DIP2C: variants seen among roughly 807,000 people sequenced by gnomAD.
DIP2C encodes the protein disco-interacting protein 2 homolog C.
Under a neutral mutation model 192.4 loss-of-function variants are expected in DIP2C, and 33 were observed. The ratio of observed to expected loss-of-function variants is 0.17; its 90% CI spans 0.13 to 0.23. The LOEUF (loss-of-function observed/expected upper bound fraction) is 0.23, where lower values mean the gene tolerates loss of function less well. Ranked by LOEUF, DIP2C falls within the 10% of genes least tolerant of loss-of-function variation. The probability of loss-of-function intolerance (pLI) is 1.00; values close to 1 mark genes in which losing one functional copy is unlikely to be tolerated. For missense variants in DIP2C, 1,537 were observed against 2,110.1 expected, an observed-to-expected ratio of 0.73 and a Z score of 5.32; for synonymous variants, 979 against 864.1, an observed-to-expected ratio of 1.13 and a Z score of -2.33.
intron 36 of DIP2C, among the ~76,000 whole-genome samples, chr10:280,317 C>G (rs1421978590): frequency 6.6e-6 from 1 of 152,212 alleles, no homozygotes; most frequent in Non-Finnish European, 1.5e-5. Context: ...AAGAGCTGTT[C>G]ATGAGAGTGC....
chr10:329,598 C>T lies in DIP2C; in HGVS notation c.3588G>A (p.Val1196=), dbSNP rs1443870115. The T allele has an allele frequency of 1.9e-6, 3 of 1,613,788 alleles. No individual in the cohort carries two copies. In the South Asian group the frequency reaches 3.3e-5, roughly 18 times the overall value. The change falls in exon 30 of 37, where the codon GTG becomes GTA. Residue 1196 remains valine, a synonymous_variant. Transcript: ENST00000280886. ...LGFVLWCLCS[V]YSGHQSILIP... is the part of the protein sequence containing the mutation. The stretch of plus-strand genomic sequence containing the variant: ...TCAGGATGGACTGGTGCCCAGAATA[C>T]ACACTGCAGAGAAAGAAGAGGCTGT...
At chr10:463,184 C>CAA (rs986586188) in intron 3 of DIP2C, among the ~76,000 whole-genome samples, 1 of 152,158 alleles carries the variant, frequency 6.6e-6, no homozygotes, top group Non-Finnish European at 1.5e-5. Flanking sequence ...AAAGGGTATT[C>CAA]AAATAGGAAG....
At chr10:481,704 T>C (rs557179573) in intron 2 of DIP2C, among the ~76,000 whole-genome samples, 2 of 152,232 alleles carry the variant, frequency 1.3e-5, no homozygotes, top group African/African-American at 4.8e-5. Context: ...CCGGTGCCTG[T>C]TCAGGGCTTC....
chr10:662,919 G>A, intron 1 of DIP2C: 3 of 717,524 alleles, frequency 4.2e-6, no homozygotes, highest in Non-Finnish European at 7.8e-6. Context: ...CTCGGGAGAG[G>A]TGGATGTACG....
At chr10:319,322 A>C (rs963432503) in intron 31 of DIP2C, among the ~76,000 whole-genome samples, 1 of 152,348 alleles carries the variant, frequency 6.6e-6, no homozygotes, top group Admixed American at 6.5e-5. Flanking sequence ...CTGTTGATTT[A>C]ATCCCACACA....
intron 4 of DIP2C, among the ~76,000 whole-genome samples, chr10:436,737 CTGCTTCCTGGA>C (rs1967249127): frequency 4.0e-5 from 5 of 123,832 alleles, no homozygotes; most frequent in African/African-American, 2.3e-4. Flanking sequence ...TCTCTGAGCT[CTGCTTCCTGGA>C]CATGGTAGGG....
At chr10:681,891 G>A (rs1327088272) in intron 1 of DIP2C, among the ~76,000 whole-genome samples, 1 of 152,250 alleles carries the variant, frequency 6.6e-6, no homozygotes, top group Non-Finnish European at 1.5e-5. Context: ...AACTGTGCCT[G>A]TGGAGGGCCC....
intron 1 of DIP2C, among the ~76,000 whole-genome samples, chr10:550,824 A>ATGC (rs1267006655): frequency 1.3e-5 from 2 of 152,236 alleles, no homozygotes; most frequent in Admixed American, 6.5e-5. Context: ...AAGAAGAGGG[A>ATGC]TGCTCCATTC....
At chr10:662,680 G>T in intron 1 of DIP2C, 1 of 552,196 alleles carries the variant, frequency 1.8e-6, no homozygotes. Flanking sequence ...TTTTAAAATT[G>T]TTATCAAATT....
chr10:529,012 C>T (rs1588395711), intron 1 of DIP2C, among the ~76,000 whole-genome samples: 2 of 152,328 alleles, frequency 1.3e-5, no homozygotes, highest in East Asian at 3.9e-4. Flanking sequence ...GGGATGGTGC[C>T]AGAACCCCTC....
At chr10:539,753 A>G (rs572607366) in intron 1 of DIP2C, among the ~76,000 whole-genome samples, 1 of 152,356 alleles carries the variant, frequency 6.6e-6, no homozygotes, top group African/African-American at 2.4e-5. Flanking sequence ...CAATTTTACA[A>G]TTAAATTCTT....
intron 23 of DIP2C, among the ~76,000 whole-genome samples, chr10:356,837 T>C (rs904515058): frequency 1.3e-5 from 2 of 152,328 alleles, no homozygotes; most frequent in African/African-American, 2.4e-5. Flanking sequence ...ATTTCCCTCA[T>C]AGGCAGGAGC....
chr10:614,827 T>G, intron 1 of DIP2C, among the ~76,000 whole-genome samples: 1 of 152,158 alleles, frequency 6.6e-6, no homozygotes, highest in South Asian at 2.1e-4. Context: ...CTCTCTGCAT[T>G]CTCCACACTG....
chr10:530,749 T>C (rs1847318372), intron 1 of DIP2C, among the ~76,000 whole-genome samples: 1 of 151,724 alleles, frequency 6.6e-6, no homozygotes, highest in East Asian at 1.9e-4. Context: ...CCCCCTGCTG[T>C]CAGACGAGAT....
rs1469919122 is a variant in DIP2C at position 603,325 on chromosome 10, AAAAAAAAAC to A, written c.85+86160_85+86168del. Among the ~76,000 whole-genome samples the A allele has an allele frequency of 1.3e-3, 177 of 137,616 alleles. 3 individuals carry two copies. The highest frequency in any genetic ancestry group is 2.3e-3 in the African/African-American group (75 of 33,068). The allele number at this position is 137,616 out of a possible 152,430, so 90.3% of individuals were successfully genotyped here. ...AAAAAAAAAAAAAAAAAAAAAAAAAAAAAAAAAACCAACCATGAGATTTTGCTGCTTCAT... is the reference window on the plus strand; with the variant it reads ...AAAAAAAAAAAAAAAAAAAAAAAAAACAACCATGAGATTTTGCTGCTTCAT... On this transcript the variant is annotated intron_variant, in intron 1 of 36. Coordinates refer to ENST00000280886, the MANE Select transcript of DIP2C (RefSeq NM_014974.3).
chr10:495,792 C>T (rs1301945344), intron 1 of DIP2C, among the ~76,000 whole-genome samples: 1 of 150,368 alleles, frequency 6.7e-6, no homozygotes, highest in Non-Finnish European at 1.5e-5. Context: ...ACAGTGCCCT[C>T]CCCATGTACT....
chr10:548,212 C>T (rs1040168391), intron 1 of DIP2C, among the ~76,000 whole-genome samples: 1 of 115,592 alleles, frequency 8.7e-6, no homozygotes. Flanking sequence ...TGCCCCACCC[C>T]CCCCCCCACA....
Position 324,890 on chromosome 10 carries a change from T to C in DIP2C, c.3924+2116A>G, listed in dbSNP as rs1480505721. 5 of 527,452 alleles carry C rather than the reference T, an allele frequency of 9.5e-6. No homozygotes were observed. The Admixed American group carries it at 9.9e-5, about 10-fold the overall frequency. The allele number at this position is 527,452 out of a possible 1,614,324, so 32.7% of individuals were successfully genotyped here. A position where few individuals can be genotyped will look rare whatever the true frequency, so the allele number is the denominator to read the frequency against. Reference sequence around the variant, plus strand: ...TTCTGTCCCTTTCCTGCGCTGTTTTTCTTTCATCTCCATGTTTTGGTTCTT... The same window carrying C: ...TTCTGTCCCTTTCCTGCGCTGTTTTCCTTTCATCTCCATGTTTTGGTTCTT... On this transcript the variant is annotated intron_variant, in intron 31 of 36. Coordinates refer to ENST00000280886, the MANE Select transcript of DIP2C (RefSeq NM_014974.3).
intron 3 of DIP2C, among the ~76,000 whole-genome samples, chr10:457,505 T>C (rs1969397511): frequency 6.6e-6 from 1 of 152,216 alleles, no homozygotes; most frequent in Admixed American, 6.5e-5. Context: ...TACATTGATA[T>C]GTCCAAAATT....
Sources: gnomAD v4.1 joint callset for allele counts (sites outside exome capture counted in the v4.1 genomes callset) on GRCh38, gnomAD v4.1.1 for gene constraint, MANE v1.5 for transcripts, NCBI Gene and HGNC (gene_info 2026-07-23, HGNC 2026-07-21) for gene names.